Variants in WDR70 observed in about 807,000 individuals in gnomAD.
WDR70 encodes the protein WD repeat-containing protein 70.
Under a neutral mutation model 88.6 loss-of-function variants are expected in WDR70, and 53 were observed. The observed-to-expected ratio is 0.60, with a 90% CI of 0.48 to 0.75. The LOEUF is 0.75. Ranked by LOEUF, WDR70 falls within the 30% of genes least tolerant of loss-of-function variation. WDR70 has a pLI of 0.00. For missense variants in WDR70, 610 were observed against 823.2 expected (o/e 0.74, Z 3.17); for synonymous variants, 280 against 270.0 (o/e 1.04, Z -0.36).
intron 17 of WDR70, among the ~76,000 whole-genome samples, chr5:37,751,443 C>A (rs1356041486): frequency 6.6e-6 from 1 of 152,108 alleles, no homozygotes; most frequent in East Asian, 1.9e-4. Flanking sequence ...TATTCACGAG[C>A]AATTCTAGTA....
intron 5 of WDR70, among the ~76,000 whole-genome samples, chr5:37,415,909 G>T (rs540094929): frequency 1.3e-5 from 2 of 151,100 alleles, no homozygotes; most frequent in African/African-American, 4.9e-5. Context: ...CATCTCAGAC[G>T]ATGGGCCGCC....
chr5:37,479,918 C>T lies in WDR70; in HGVS notation c.771C>T (p.Asp257=). The T allele has an allele frequency of 6.2e-7, 1 of 1,614,064 alleles. No individual in the cohort carries two copies. Among genetic ancestry groups the T allele is most frequent in the East Asian group, 2.2e-5 (1 of 44,866 alleles). The part of the protein sequence containing the change: ...VSGSSQAKVI[D]RDGFEVMECI... ...GAAGCTCTCAGGCCAAGGTGATTGA[C>T]AGAGATGGTTTTGAAGTAATGGAAT... The change falls in exon 8 of 18, where the codon GAC becomes GAT. Residue 257 remains aspartate, a synonymous_variant. Transcript: ENST00000265107.
intron 5 of WDR70, 33 bp downstream of exon 5, chr5:37,396,603 T>G: frequency 6.4e-7 from 1 of 1,559,064 alleles, no homozygotes; most frequent in Non-Finnish European, 8.6e-7. Flanking sequence ...AAGAATTCGG[T>G]GGAGTAATAT....
chr5:37,477,811 T>A (rs1188087936), intron 7 of WDR70, among the ~76,000 whole-genome samples: 6 of 152,212 alleles, frequency 3.9e-5, no homozygotes, highest in Admixed American at 3.3e-4. Flanking sequence ...TCTTATTTTC[T>A]GGAAAGGTTG....
chr5:37,397,895 C>A (rs1467858559), intron 5 of WDR70, among the ~76,000 whole-genome samples: 1 of 150,744 alleles, frequency 6.6e-6, no homozygotes, highest in Non-Finnish European at 1.5e-5. Flanking sequence ...ACTCGGGAGG[C>A]TGAAGCAGGA....
At chr5:37,730,577 A>G (rs938679010) in intron 17 of WDR70, among the ~76,000 whole-genome samples, 2 of 152,136 alleles carry the variant, frequency 1.3e-5, no homozygotes, top group African/African-American at 4.8e-5. Flanking sequence ...AATTTATCAT[A>G]GTTAATTCAA....
intron 9 of WDR70, among the ~76,000 whole-genome samples, chr5:37,526,286 T>A (rs1383102280): frequency 6.6e-6 from 1 of 152,180 alleles, no homozygotes; most frequent in African/African-American, 2.4e-5. Flanking sequence ...TTATCCACCA[T>A]GATCAAGTGG....
chr5:37,384,977 G>T (rs1450608556), intron 3 of WDR70, among the ~76,000 whole-genome samples: 1 of 152,212 alleles, frequency 6.6e-6, no homozygotes, highest in East Asian at 1.9e-4. Context: ...TATAAATCAG[G>T]GTTCCCATGA....
intron 10 of WDR70, among the ~76,000 whole-genome samples, chr5:37,691,572 C>T (rs1746794705): frequency 6.6e-6 from 1 of 152,166 alleles, no homozygotes; most frequent in Non-Finnish European, 1.5e-5. Flanking sequence ...CAAAACTGCA[C>T]AAGTACATGG....
intron 7 of WDR70, among the ~76,000 whole-genome samples, chr5:37,450,209 T>C (rs1052311792): frequency 2.6e-5 from 4 of 152,182 alleles, no homozygotes; most frequent in Non-Finnish European, 4.4e-5. Context: ...AATAAACATA[T>C]GTGTGCATGT....
At chr5:37,724,865 G>GC in intron 15 of WDR70, 69 bp from the exon 16 acceptor site, 1 of 1,335,540 alleles carries the variant, frequency 7.5e-7, no homozygotes, top group South Asian at 1.2e-5. Flanking sequence ...AGTTAGTCAT[G>GC]CTTTAACTAT....
chr5:37,416,379 C>T (rs935538254), intron 5 of WDR70, among the ~76,000 whole-genome samples: 2 of 152,182 alleles, frequency 1.3e-5, no homozygotes, highest in Non-Finnish European at 2.9e-5. Context: ...GGCGTGGCGG[C>T]GCGCCTGCAA....
intron 17 of WDR70, among the ~76,000 whole-genome samples, chr5:37,741,159 G>T (rs1748461509): frequency 6.6e-6 from 1 of 151,494 alleles, no homozygotes; most frequent in South Asian, 2.1e-4. Context: ...GGAGGCTAAG[G>T]CCCTCTCCAA....
intron 9 of WDR70, among the ~76,000 whole-genome samples, chr5:37,572,467 G>A (rs991870431): frequency 6.6e-6 from 1 of 151,848 alleles, no homozygotes; most frequent in Non-Finnish European, 1.5e-5. Context: ...GTATTGATGG[G>A]GTACAAGTGC....
At chr5:37,395,853 T>C (rs751858158) in intron 4 of WDR70, among the ~76,000 whole-genome samples, 4 of 152,138 alleles carry the variant, frequency 2.6e-5, no homozygotes, top group Non-Finnish European at 4.4e-5. Context: ...CAGGCTGGAG[T>C]AGAGTGACGC....
intron 4 of WDR70, among the ~76,000 whole-genome samples, chr5:37,394,418 A>C (rs1386972935): frequency 6.6e-6 from 1 of 152,182 alleles, no homozygotes; most frequent in Non-Finnish European, 1.5e-5. Flanking sequence ...TTACTTACTG[A>C]GCATCTACTG....
intron 5 of WDR70, among the ~76,000 whole-genome samples, chr5:37,431,442 C>T (rs897501878): frequency 2.0e-5 from 3 of 151,824 alleles, no homozygotes; most frequent in African/African-American, 7.3e-5. Flanking sequence ...TGGATTATTG[C>T]AAGAATATTT....
rs189449294 is a variant in WDR70, at chr5:37,499,792, A to T, written c.841-16722A>T. The stretch of plus-strand genomic sequence containing the variant: ...GGTCTTGAACTCCTGGGCTCAAGCG[A>T]TCCACCTGTCTTGGCCTCCCAGAGT... On this transcript the variant is annotated intron_variant, in intron 8 of 17. Transcript: ENST00000265107. Among the ~76,000 whole-genome samples, 81 of 151,908 alleles carry T rather than the reference A, an allele frequency of 5.3e-4. 3 individuals are homozygous for T. In the East Asian group the frequency reaches 0.012, roughly 22 times the overall value.
intron 9 of WDR70, among the ~76,000 whole-genome samples, chr5:37,521,325 A>T (rs1157769338): frequency 6.6e-6 from 1 of 152,136 alleles, no homozygotes; most frequent in Non-Finnish European, 1.5e-5. Flanking sequence ...AAAAGTTTTT[A>T]AAAATAATTT....
Sources: gnomAD v4.1 joint callset for allele counts (sites outside exome capture counted in the v4.1 genomes callset) on GRCh38, gnomAD v4.1.1 for gene constraint, MANE v1.5 for transcripts, NCBI Gene and HGNC (gene_info 2026-07-23, HGNC 2026-07-21) for gene names.